Variants in CHRNA7 observed in about 807,000 individuals in gnomAD.
CHRNA7 encodes cholinergic receptor nicotinic alpha 7 subunit.
A neutral mutation model predicts 48.0 loss-of-function variants in CHRNA7; 17 were observed. The observed-to-expected ratio is 0.35, with a 90% CI of 0.24 to 0.53. CHRNA7 has a LOEUF of 0.53. Among genes scored for constraint, CHRNA7 ranks in the 20% least tolerant of loss-of-function variants. CHRNA7 has a pLI of 0.92. For synonymous variants in CHRNA7, 75 were observed against 242.3 expected (o/e 0.31, Z 6.41); for missense variants, 155 against 577.7 (o/e 0.27, Z 7.50).
intron 4 of CHRNA7, among the ~76,000 whole-genome samples, chr15:32,135,591 C>G (rs2051242002): frequency 6.6e-6 from 1 of 152,164 alleles, no homozygotes; most frequent in African/African-American, 2.4e-5. Flanking sequence ...TAAGTGAGAT[C>G]TATGTGCTGT....
chr15:32,033,865 G>A (rs1303107712), intron 2 of CHRNA7, among the ~76,000 whole-genome samples: 2 of 152,172 alleles, frequency 1.3e-5, no homozygotes, highest in Non-Finnish European at 2.9e-5. Flanking sequence ...TTGTTTGTCA[G>A]CAGAGATTCC....
intron 4 of CHRNA7, among the ~76,000 whole-genome samples, chr15:32,127,912 C>T (rs945310867): frequency 2.0e-5 from 3 of 151,978 alleles, no homozygotes; most frequent in Non-Finnish European, 2.9e-5. Flanking sequence ...AGATTTCCTC[C>T]TATGTTTTGT....
intron 2 of CHRNA7, among the ~76,000 whole-genome samples, chr15:32,057,138 T>C (rs978823877): frequency 6.6e-6 from 1 of 152,238 alleles, no homozygotes; most frequent in African/African-American, 2.4e-5. Context: ...TCTGCTGTTA[T>C]AGTCCTAAGT....
At chr15:32,091,431 G>T (rs1339226867) in intron 2 of CHRNA7, among the ~76,000 whole-genome samples, 1 of 152,108 alleles carries the variant, frequency 6.6e-6, no homozygotes, top group Non-Finnish European at 1.5e-5. Context: ...TACTGGTCTA[G>T]AACAACTTCT....
chr15:32,049,005 T>C (rs577142305), intron 2 of CHRNA7, among the ~76,000 whole-genome samples: 78 of 128,906 alleles, frequency 6.1e-4, no homozygotes, highest in African/African-American at 2.5e-3. Context: ...AATCCTGAGT[T>C]CTAGTTTGAT....
intron 2 of CHRNA7, among the ~76,000 whole-genome samples, chr15:32,098,212 A>G (rs113564830): frequency 6.6e-6 from 1 of 151,776 alleles, no homozygotes; most frequent in East Asian, 1.9e-4. Flanking sequence ...TCTGTGCAGA[A>G]GCCTGTCAGG....
At chr15:32,093,492 G>A (rs374673984) in intron 2 of CHRNA7, among the ~76,000 whole-genome samples, 309 of 152,236 alleles carry the variant, frequency 2.0e-3, no homozygotes, top group African/African-American at 7.0e-3. Flanking sequence ...CACCTCCCCC[G>A]GGCAAGCTCT....
At chr15:32,117,149 G>A (rs1293087946) in intron 4 of CHRNA7, among the ~76,000 whole-genome samples, 1 of 152,166 alleles carries the variant, frequency 6.6e-6, no homozygotes, top group Non-Finnish European at 1.5e-5. Flanking sequence ...GATAGGGAGG[G>A]CAGGCAAGCC....
chr15:32,049,474 C>T (rs2049623108), intron 2 of CHRNA7, among the ~76,000 whole-genome samples: 1 of 152,066 alleles, frequency 6.6e-6, no homozygotes, highest in Admixed American at 6.6e-5. Context: ...GCAACCCCTG[C>T]CCTTTTTTGT....
At chr15:32,096,163 G>A (rs191175608) in intron 2 of CHRNA7, among the ~76,000 whole-genome samples, 8 of 152,280 alleles carry the variant, frequency 5.3e-5, no homozygotes, top group South Asian at 4.1e-4. Context: ...GATTATTGTC[G>A]TGAAGCCAAA....
chr15:32,110,183 C>T, intron 3 of CHRNA7, among the ~76,000 whole-genome samples: 1 of 152,168 alleles, frequency 6.6e-6, no homozygotes, highest in East Asian at 1.9e-4. Flanking sequence ...CAGGTGTTGG[C>T]TGTGGCAGGG....
At chr15:32,085,830 C>T (rs2050286430) in intron 2 of CHRNA7, among the ~76,000 whole-genome samples, 1 of 152,158 alleles carries the variant, frequency 6.6e-6, no homozygotes, top group Non-Finnish European at 1.5e-5. Context: ...AAGTTGAAGT[C>T]CATAATTACT....
intron 2 of CHRNA7, among the ~76,000 whole-genome samples, chr15:32,096,914 G>A (rs1425547710): frequency 2.0e-5 from 3 of 152,178 alleles, no homozygotes; most frequent in Non-Finnish European, 2.9e-5. Context: ...TTGCCACACC[G>A]GCCTTCTGGG....
chr15:32,083,796 A>G (rs902755877), intron 2 of CHRNA7, among the ~76,000 whole-genome samples: 1 of 152,226 alleles, frequency 6.6e-6, no homozygotes, highest in Non-Finnish European at 1.5e-5. Flanking sequence ...AATCACTTAA[A>G]TTATGAAAAA....
intron 3 of CHRNA7, among the ~76,000 whole-genome samples, chr15:32,110,474 A>C (rs1192112361): frequency 6.6e-6 from 1 of 152,220 alleles, no homozygotes; most frequent in African/African-American, 2.4e-5. Flanking sequence ...CCCTGGCTGC[A>C]AAATGATGTC....
At chr15:32,043,764 C>T (rs201186458) in intron 2 of CHRNA7, among the ~76,000 whole-genome samples, 1 of 151,958 alleles carries the variant, frequency 6.6e-6, no homozygotes, top group Non-Finnish European at 1.5e-5. Flanking sequence ...GTATATTTAC[C>T]TTTTTTGTTA....
chr15:32,115,334 T>C (rs1306979022), intron 4 of CHRNA7, among the ~76,000 whole-genome samples: 1 of 152,144 alleles, frequency 6.6e-6, no homozygotes, highest in Non-Finnish European at 1.5e-5. Flanking sequence ...CGCTCCGCCA[T>C]GTGCCTGCTG....
chr15:32,108,525 T>G (rs2050709174), intron 3 of CHRNA7, among the ~76,000 whole-genome samples: 1 of 152,196 alleles, frequency 6.6e-6, no homozygotes, highest in East Asian at 1.9e-4. Context: ...GTTTGTTGTT[T>G]GTAGGGCCTT....
At chr15:32,030,702 C>T in intron 1 of CHRNA7, 53 bp downstream of exon 1, 1 of 1,545,998 alleles carries the variant, frequency 6.5e-7, no homozygotes, top group Non-Finnish European at 8.7e-7. Context: ...CCGGGCACAT[C>T]CCGGGCGCCT....
Sources: gnomAD v4.1 joint callset for allele counts (sites outside exome capture counted in the v4.1 genomes callset) on GRCh38, gnomAD v4.1.1 for gene constraint, MANE v1.5 for transcripts, NCBI Gene and HGNC (gene_info 2026-07-23, HGNC 2026-07-21) for gene names.